ALK: variants seen among roughly 807,000 people sequenced by gnomAD.
ALK encodes ALK receptor tyrosine kinase.
A neutral mutation model predicts 163.1 loss-of-function variants in ALK; 74 were observed. That is an observed-to-expected ratio of 0.45 (90% CI 0.38 to 0.55). The LOEUF (loss-of-function observed/expected upper bound fraction) is 0.55. Among genes scored for constraint, ALK ranks in the 20% least tolerant of loss-of-function variants. The pLI is 0.00. For missense variants in ALK, 2,063 were observed against 2,105.3 expected (o/e 0.98, Z 0.39); for synonymous variants, 960 against 843.2 (o/e 1.14, Z -2.40).
At chr2:29,588,852 T>C (rs1674965496) in intron 3 of ALK, among the ~76,000 whole-genome samples, 1 of 152,240 alleles carries the variant, frequency 6.6e-6, no homozygotes, top group African/African-American at 2.4e-5. Flanking sequence ...CCATTTAAAA[T>C]GTAAAAACCA....
At chr2:29,400,975 CA>C (rs144493937) in intron 4 of ALK, among the ~76,000 whole-genome samples, 198 of 133,476 alleles carry the variant, frequency 1.5e-3, no homozygotes, top group Middle Eastern at 4.0e-3. Flanking sequence ...GACTCTGTCT[CA>C]AAAAAAAAAA....
intron 3 of ALK, among the ~76,000 whole-genome samples, chr2:29,641,954 G>A (rs945220376): frequency 2.0e-5 from 3 of 152,292 alleles, no homozygotes; most frequent in Admixed American, 1.3e-4. Flanking sequence ...GAATGAGCTA[G>A]GAAACTTATC....
intron 3 of ALK, among the ~76,000 whole-genome samples, chr2:29,583,696 T>C (rs980647393): frequency 6.6e-5 from 10 of 152,158 alleles, no homozygotes; most frequent in Admixed American, 5.2e-4. Context: ...TTGCTGTTTG[T>C]CATTTGTCCC....
chr2:29,846,189 T>A (rs1261110477), intron 1 of ALK, among the ~76,000 whole-genome samples: 3 of 152,300 alleles, frequency 2.0e-5, no homozygotes, highest in South Asian at 4.1e-4. Context: ...CTCCTGTCTG[T>A]TTCTTGAACA....
At chr2:29,900,963 T>G (rs1327829127) in intron 1 of ALK, among the ~76,000 whole-genome samples, 1 of 150,444 alleles carries the variant, frequency 6.6e-6, no homozygotes, top group African/African-American at 2.5e-5. Context: ...CAGCTGAATG[T>G]CTTAAGAAAG....
chr2:29,295,447 A>G (rs1348619463), intron 9 of ALK, among the ~76,000 whole-genome samples: 3 of 152,182 alleles, frequency 2.0e-5, no homozygotes, highest in Admixed American at 6.5e-5. Flanking sequence ...CCCCAAAGAC[A>G]AAAGACTAAA....
At chr2:29,594,559 G>C (rs1558400632) in intron 3 of ALK, among the ~76,000 whole-genome samples, 1 of 151,542 alleles carries the variant, frequency 6.6e-6, no homozygotes, top group Non-Finnish European at 1.5e-5. Flanking sequence ...CTCCTGAGTA[G>C]CTAGAATTAC....
At chr2:29,647,598 G>A (rs935683184) in intron 3 of ALK, among the ~76,000 whole-genome samples, 9 of 152,110 alleles carry the variant, frequency 5.9e-5, no homozygotes, top group African/African-American at 1.9e-4. Flanking sequence ...AAGGCAGCCT[G>A]TGAAGAAGCG....
chr2:29,898,882 A>G (rs868026311), intron 1 of ALK, among the ~76,000 whole-genome samples: 2 of 152,148 alleles, frequency 1.3e-5, no homozygotes, highest in African/African-American at 2.4e-5. Flanking sequence ...TACTAATCTC[A>G]GTGTTTGATA....
At chr2:29,761,763 A>G (rs1680709224) in intron 1 of ALK, among the ~76,000 whole-genome samples, 1 of 152,198 alleles carries the variant, frequency 6.6e-6, no homozygotes, top group African/African-American at 2.4e-5. Flanking sequence ...TGTGAACAAG[A>G]GTCACCTCCT....
rs750723625 is a variant in ALK at position 29,239,660 on chromosome 2, C to T, written c.2355+20G>A. On this transcript the variant is annotated intron_variant, in intron 13 of 28. Transcript: ENST00000389048. ...GGCCTGACAGAGTGCAGACGAGAAACCCCTGCTCTGGGCACTTACACTGGG... is the reference window on the plus strand; with the variant it reads ...GGCCTGACAGAGTGCAGACGAGAAATCCCTGCTCTGGGCACTTACACTGGG... 3 of 1,613,272 alleles carry T rather than the reference C, an allele frequency of 1.9e-6. No homozygotes were observed. Among genetic ancestry groups the T allele is most frequent in the Non-Finnish European group, 2.5e-6 (3 of 1,179,986 alleles).
chr2:29,515,783 A>G lies in ALK; in HGVS notation c.1154+16132T>C, dbSNP rs1573419819. Among the ~76,000 whole-genome samples, 3 of 152,370 alleles carry G rather than the reference A, an allele frequency of 2.0e-5. 1 individual carries two copies. Among genetic ancestry groups the G allele is most frequent in the Admixed American group, 2.0e-4 (3 of 15,304 alleles). On this transcript the variant is annotated intron_variant, in intron 4 of 28. Transcript: ENST00000389048. ...CGGTAAAATAGTTTCAGCACGGAAG[A>G]TGCAGATGTAACTAAATTCTTATCA... is the stretch of plus-strand genomic sequence containing the variant.
chr2:29,798,068 C>T (rs973719795), intron 1 of ALK, among the ~76,000 whole-genome samples: 1 of 152,142 alleles, frequency 6.6e-6, no homozygotes, highest in African/African-American at 2.4e-5. Context: ...GTGTTGCCAT[C>T]AACTACGATC....
At chr2:29,364,481 A>G (rs1313148575) in intron 5 of ALK, among the ~76,000 whole-genome samples, 1 of 152,204 alleles carries the variant, frequency 6.6e-6, no homozygotes, top group Non-Finnish European at 1.5e-5. Context: ...TTCTGATAGA[A>G]ATCCTGCCAG....
intron 1 of ALK, among the ~76,000 whole-genome samples, chr2:29,901,602 A>AT (rs1273254473): frequency 4.6e-5 from 7 of 152,214 alleles, no homozygotes; most frequent in Non-Finnish European, 8.8e-5. Flanking sequence ...CTCATCTCTC[A>AT]TTGAGAATCA....
At chr2:29,270,049 T>C (rs1471576584) in intron 11 of ALK, among the ~76,000 whole-genome samples, 3 of 152,146 alleles carry the variant, frequency 2.0e-5, no homozygotes, top group African/African-American at 7.2e-5. Flanking sequence ...AGATCCCTCT[T>C]GAAGACCTAT....
intron 3 of ALK, among the ~76,000 whole-genome samples, chr2:29,563,096 C>T (rs1380657342): frequency 6.6e-6 from 1 of 152,164 alleles, no homozygotes; most frequent in Non-Finnish European, 1.5e-5. Flanking sequence ...GGCGCAGAGC[C>T]CAGACTGTGG....
intron 1 of ALK, among the ~76,000 whole-genome samples, chr2:29,818,922 C>A (rs4519472): frequency 0.057 from 8,752 of 152,284 alleles, 347 homozygotes; most frequent in Admixed American, 0.099. Flanking sequence ...CTGAGGGTGG[C>A]ACATAGGCAG....
chr2:29,328,781 C>G (rs115328079), intron 5 of ALK, among the ~76,000 whole-genome samples: 403 of 152,246 alleles, frequency 2.6e-3, no homozygotes, highest in African/African-American at 9.0e-3. Flanking sequence ...CTCGGGGGTC[C>G]TCAAACCCAT....
Sources: gnomAD v4.1 joint callset for allele counts (sites outside exome capture counted in the v4.1 genomes callset) on GRCh38, gnomAD v4.1.1 for gene constraint, MANE v1.5 for transcripts, NCBI Gene and HGNC (gene_info 2026-07-23, HGNC 2026-07-21) for gene names.